Variants in PRRG3 observed in about 807,000 individuals in gnomAD.
PRRG3 encodes proline rich and Gla domain 3, also known as transmembrane gamma-carboxyglutamic acid protein 3.
In PRRG3, 21 loss-of-function variants were observed where a neutral mutation model predicts 15.8. That is an observed-to-expected ratio of 1.33 (90% CI 0.94 to 1.92). The LOEUF (loss-of-function observed/expected upper bound fraction) is 1.92, where lower values mean the gene tolerates loss of function less well. Ranked by LOEUF, PRRG3 falls within the 40% of genes most tolerant of loss-of-function variation. The pLI, the probability that PRRG3 is intolerant of heterozygous loss-of-function variation, is 0.00. For missense variants in PRRG3, 251 were observed against 200.2 expected, an observed-to-expected ratio of 1.25 and a Z score of -1.53; for synonymous variants, 125 against 84.1, an observed-to-expected ratio of 1.49 and a Z score of -2.66.
In PRRG3 at chrX:151,700,154, A is replaced by G. The variant is rs776486098; in HGVS notation, c.166A>G (p.Thr56Ala). ...VKEVFENKEK[T>A]MEFWKGYPNA... ...GGAAGTGTTTGAGAACAAAGAGAAA[A>G]CGGCATGTACCACCCTGGGGCTGGT... The change falls in exon 3 of 4, where the codon ACG becomes GCG. Residue 56 changes from threonine to alanine, a missense_variant and splice_region_variant. Thr to Ala is a moderately conservative substitution (Grantham distance 58). Transcript: ENST00000674457. 4.5e-5 allele frequency: 54 copies of G among 1,211,688 alleles called. No homozygotes were observed. The highest frequency in any genetic ancestry group is 6.0e-5 in the Non-Finnish European group (54 of 895,506).
chrX:151,699,954 G>A lies in PRRG3; in HGVS notation c.8-42G>A, dbSNP rs769923980. On this transcript the variant is annotated intron_variant, in intron 2 of 3. Transcript: ENST00000674457. ...TGGGCCTGGTTTGAAGGAGCCCCTGGGCATCTCCCCATTCCAGGCCTCAGT... is the reference window on the plus strand; with the variant it reads ...TGGGCCTGGTTTGAAGGAGCCCCTGAGCATCTCCCCATTCCAGGCCTCAGT... The A allele has an allele frequency of 3.5e-6, 4 of 1,144,350 alleles. 1 individual carries two copies. 94.3% of individuals were successfully genotyped at this position (1,144,350 alleles called of 1,213,427 possible).
At position 151,701,326 on chromosome X, in the gene PRRG3, C is replaced by T. The variant is rs1168333546; in HGVS notation, c.*293C>T. On this transcript the variant is annotated 3_prime_UTR_variant, in exon 4 of 4. Coordinates refer to ENST00000674457, the MANE Select transcript of PRRG3 (RefSeq NM_001372163.1). The stretch of plus-strand genomic sequence containing the variant: ...GTCTTTCCATCAGGAACTGGCTTCT[C>T]TTATGCCAAAGGAATAACCCCATTG... 4.3e-6 allele frequency: 1 copy of T among 234,352 alleles called. No homozygotes were observed. The highest frequency in any genetic ancestry group is 7.7e-6 in the Non-Finnish European group (1 of 130,173). The allele number at this position is 234,352 out of a possible 1,213,427, so 19.3% of individuals were successfully genotyped here.
rs966857080 is a variant in PRRG3, at chrX:151,700,900, C to G, written c.563C>G (p.Thr188Ser). Reference protein sequence around the residue: ...PELSLSRLSSTTPPPSYEEVT... With the variant: ...PELSLSRLSSSTPPPSYEEVT... ...CTCTCTCTCTCCAGACTGTCCAGCA[C>G]CACCCCTCCCCCCTCCTACGAGGAG... The change falls in exon 4 of 4, where the codon ACC becomes AGC. Residue 188 changes from threonine (T) to serine (S), a missense_variant. Physicochemically the swap from Thr to Ser is moderately conservative, Grantham distance 58 (BLOSUM62 1). Transcript: ENST00000674457. 3.3e-6 allele frequency: 4 copies of G among 1,207,965 alleles called. No homozygotes were observed. The Admixed American group carries it at 8.8e-5, about 26-fold the overall frequency.
At chrX:151,696,124 G>T (rs2014756519) in intron 1 of PRRG3, among the ~76,000 whole-genome samples, 2 of 111,385 alleles carry the variant, frequency 1.8e-5, no homozygotes, top group African/African-American at 6.5e-5. Flanking sequence ...TGCGGGGAGT[G>T]GGTTAAAAAT....
intron 1 of PRRG3, among the ~76,000 whole-genome samples, chrX:151,697,098 C>CTCTTCT (rs2014777164): frequency 2.4e-5 from 1 of 41,094 alleles, no homozygotes; most frequent in Non-Finnish European, 3.9e-5. Context: ...CTTCCTTCCT[C>CTCTTCT]CCTCCCTCCC....
chrX:151,701,004 G>A lies in PRRG3; in HGVS notation c.667G>A (p.Val223Met). The change falls in exon 4 of 4, where the codon GTG becomes ATG. Residue 223 changes from valine to methionine, a missense_variant. By Grantham distance (21) the Val-to-Met change is conservative. Transcript: ENST00000674457. ...SDPPPKYEEI[V>M]AANPGADK ...CCCACCCCCAAAGTACGAGGAGATA[G>A]TGGCCGCCAACCCTGGCGCTGACAA... The A allele has an allele frequency of 8.6e-7, 1 of 1,166,060 alleles. No homozygotes were observed. Among genetic ancestry groups the A allele is most frequent in the Non-Finnish European group, 1.1e-6 (1 of 871,975 alleles).
rs1556257683 is a variant in PRRG3, at chrX:151,703,457, C to CTG, written c.*2425_*2426insGT. On this transcript the variant is annotated 3_prime_UTR_variant, in exon 4 of 4. Coordinates refer to ENST00000674457, the MANE Select transcript of PRRG3 (RefSeq NM_001372163.1). ...CTACATTTTTGCTGTTTTTGGACTT[C>CTG]TATGTGTGTGTGTGTGTGTGTGTGT... 2 of 91,436 alleles carry CTG rather than the reference C, an allele frequency of 2.2e-5. No homozygotes were observed. Among genetic ancestry groups the CTG allele is most frequent in the Non-Finnish European group, 4.3e-5 (2 of 45,999 alleles). 7.5% of individuals were successfully genotyped at this position (91,436 alleles called of 1,213,427 possible).
rs780850993 is a variant in PRRG3, at chrX:151,698,777, A to T, written c.-31-7A>T. ...TTCACTGCAACTTTGCTTTTCTCTTACTCCAGAGAAGTGAGACCCTGCAGC... is the reference window on the plus strand; with the variant it reads ...TTCACTGCAACTTTGCTTTTCTCTTTCTCCAGAGAAGTGAGACCCTGCAGC... On this transcript the variant is annotated splice_region_variant and splice_polypyrimidine_tract_variant and intron_variant, in intron 1 of 3. Transcript: ENST00000674457. 8.4e-7 allele frequency: 1 copy of T among 1,194,509 alleles called. No homozygotes were observed.
rs368337927 is a variant in PRRG3 at position 151,700,087 on chromosome X, G to T, written c.99G>T (p.Glu33Asp). The T allele has an allele frequency of 1.7e-6, 2 of 1,210,334 alleles. No individual in the cohort carries two copies. Among genetic ancestry groups the T allele is most frequent in the African/African-American group, 1.7e-5 (1 of 57,271 alleles). ...AGGAGCTGCGCCAGGGCACCATCGA[G>T]CGAGAGTGCATGGAGGAGATCTGCA... ...FLEELRQGTI[E>D]RECMEEICSY... Residue 33 changes from glutamate (E) to aspartate (D), a missense_variant, in exon 3 of 4, where the codon GAG (glutamate) becomes GAT (aspartate). Physicochemically the swap from Glu to Asp is conservative, Grantham distance 45. Coordinates refer to ENST00000674457, the MANE Select transcript of PRRG3 (RefSeq NM_001372163.1).
chrX:151,699,495 A>G (rs1299386102), intron 2 of PRRG3, among the ~76,000 whole-genome samples: 3 of 112,067 alleles, frequency 2.7e-5, no homozygotes, highest in African/African-American at 9.8e-5. Context: ...ACCTGGTGGC[A>G]CAGGTGGATG....
At position 151,699,355 on chromosome X, in the gene PRRG3, A is replaced by G. The variant is rs988188047; in HGVS notation, c.7+534A>G. 5.4e-5 allele frequency among the ~76,000 whole-genome samples: 6 copies of G among 111,541 alleles called. No homozygotes were observed. In the Admixed American group the frequency reaches 5.7e-4, roughly 11 times the overall value. On this transcript the variant is annotated intron_variant, in intron 2 of 3. Transcript: ENST00000674457. ...CTGTGCCCCGTCTGTAAAAGCTTAG[A>G]CTCTCCATCTGAACCCTGCTACTTC...
In PRRG3 at chrX:151,702,101, G is replaced by C. The variant is rs1410550817; in HGVS notation, c.*1068G>C. On this transcript the variant is annotated 3_prime_UTR_variant, in exon 4 of 4. Coordinates refer to ENST00000674457, the MANE Select transcript of PRRG3 (RefSeq NM_001372163.1). ...GAAGGCACCTGCCCTTTAACTGTCA[G>C]TGACCATGCTAGACACTGTTGATAC... 1 of 111,564 alleles carries C rather than the reference G, an allele frequency of 9.0e-6. No homozygotes were observed. Among genetic ancestry groups the C allele is most frequent in the African/African-American group, 3.3e-5 (1 of 30,527 alleles). 9.2% of individuals were successfully genotyped at this position (111,564 alleles called of 1,213,427 possible).
intron 1 of PRRG3, 133 bp from the exon 2 acceptor site, chrX:151,698,651 G>C: frequency 2.3e-6 from 1 of 432,630 alleles, no homozygotes; most frequent in Non-Finnish European, 4.0e-6. Flanking sequence ...CATGGAGGAC[G>C]ACGCACCCCA....
rs1380740624 is a variant in PRRG3 at position 151,701,407 on chromosome X, G to A, written c.*374G>A. On this transcript the variant is annotated 3_prime_UTR_variant, in exon 4 of 4. Transcript: ENST00000674457. Reference sequence around the variant, plus strand: ...TGGCCTGGGGGCTGTGGGACTGGCTGGAGGCCTGCCTGTGTCTAGAGCTCT... The same window carrying A: ...TGGCCTGGGGGCTGTGGGACTGGCTAGAGGCCTGCCTGTGTCTAGAGCTCT... 1 of 138,916 alleles carries A rather than the reference G, an allele frequency of 7.2e-6. No homozygotes were observed. The highest frequency in any genetic ancestry group is 1.4e-5 in the Non-Finnish European group (1 of 70,887). The allele number at this position is 138,916 out of a possible 1,213,427, so 11.4% of individuals were successfully genotyped here.
chrX:151,702,539 T>C lies in PRRG3; in HGVS notation c.*1506T>C, dbSNP rs1254359049. ...GCCCGTTGGAGGCTGACTGAGCAAA[T>C]GCCTGCGAAGTGCTTGAATTGCCGG... On this transcript the variant is annotated 3_prime_UTR_variant, in exon 4 of 4. Coordinates refer to ENST00000674457, the MANE Select transcript of PRRG3 (RefSeq NM_001372163.1). 2.7e-5 allele frequency: 3 copies of C among 112,182 alleles called. No homozygotes were observed. Among genetic ancestry groups the C allele is most frequent in the Non-Finnish European group, 5.6e-5 (3 of 53,249 alleles). 9.2% of individuals were successfully genotyped at this position (112,182 alleles called of 1,213,427 possible).
chrX:151,705,617 G>T lies in PRRG3; in HGVS notation c.*4584G>T. ...ACATCTGTTATTTTGCTCTGACATTGTGAATTTGTGACAGTGGAAACCCTG... is the reference window on the plus strand; with the variant it reads ...ACATCTGTTATTTTGCTCTGACATTTTGAATTTGTGACAGTGGAAACCCTG... On this transcript the variant is annotated 3_prime_UTR_variant, in exon 4 of 4. Transcript: ENST00000674457. 4.9e-6 allele frequency: 1 copy of T among 203,023 alleles called. No individual in the cohort carries two copies. The highest frequency in any genetic ancestry group is 9.4e-6 in the Non-Finnish European group (1 of 106,232). The allele number at this position is 203,023 out of a possible 1,213,427, so 16.7% of individuals were successfully genotyped here.
chrX:151,700,252 A>G (rs7052313), intron 3 of PRRG3, 96 bp downstream of exon 3: 127,214 of 1,196,029 alleles, frequency 0.11, 8,990 homozygotes, highest in Admixed American at 0.48. Flanking sequence ...AAGCAAGGAA[A>G]GACACCCAGC....
In PRRG3 at chrX:151,698,801, G is replaced by A; in HGVS notation, c.-14G>A. The stretch of plus-strand genomic sequence containing the variant: ...TACTCCAGAGAAGTGAGACCCTGCA[G>A]CTGAGGGAGCATCATGGCAGGTGAG... On this transcript the variant is annotated 5_prime_UTR_variant, in exon 2 of 4. Coordinates refer to ENST00000674457, the MANE Select transcript of PRRG3 (RefSeq NM_001372163.1). 1 of 1,205,905 alleles carries A rather than the reference G, an allele frequency of 8.3e-7. No homozygotes were observed. The highest frequency in any genetic ancestry group is 1.7e-5 in the African/African-American group (1 of 57,773).
At chrX:151,695,868 T>G (rs975074148) in intron 1 of PRRG3, among the ~76,000 whole-genome samples, 1 of 111,230 alleles carries the variant, frequency 9.0e-6, no homozygotes, top group African/African-American at 3.3e-5. Context: ...GGAGAACCCT[T>G]TCCTGGCGAT....
Sources: allele counts gnomAD v4.1 joint callset (sites outside exome capture counted in the v4.1 genomes callset), GRCh38; gene constraint gnomAD v4.1.1; transcripts MANE v1.5; gene names NCBI Gene and HGNC (gene_info 2026-07-23, HGNC 2026-07-21).